CLIP1: variants seen among roughly 807,000 people sequenced by gnomAD.
CLIP1 encodes the protein CAP-Gly domain-containing linker protein 1.
Under a neutral mutation model 161.6 loss-of-function variants are expected in CLIP1, and 66 were observed. The observed-to-expected ratio is 0.41, with a 90% CI of 0.33 to 0.50. The LOEUF is 0.50. Among genes scored for constraint, CLIP1 ranks in the 20% least tolerant of loss-of-function variants. The pLI is 0.27. For missense variants in CLIP1, 1,376 were observed against 1,702.0 expected (o/e 0.81, Z 3.37); for synonymous variants, 598 against 626.2 (o/e 0.96, Z 0.67).
chr12:122,351,402 C>T (rs910173890), intron 8 of CLIP1, among the ~76,000 whole-genome samples: 1 of 152,012 alleles, frequency 6.6e-6, no homozygotes, highest in Non-Finnish European at 1.5e-5. Flanking sequence ...TGGATGAGAA[C>T]AACACAAAAA....
intron 4 of CLIP1, among the ~76,000 whole-genome samples, chr12:122,363,359 G>C (rs2136611011): frequency 6.6e-6 from 1 of 152,258 alleles, no homozygotes; most frequent in Middle Eastern, 3.4e-3. Flanking sequence ...AGGCATTGTG[G>C]CGTGCGCCTG....
chr12:122,392,532 G>A (rs1253207904), intron 1 of CLIP1, among the ~76,000 whole-genome samples: 1 of 152,036 alleles, frequency 6.6e-6, no homozygotes, highest in Non-Finnish European at 1.5e-5. Flanking sequence ...CCAAAGTTTG[G>A]TGGTGAAGTT....
At chr12:122,382,529 C>T (rs7135931) in intron 1 of CLIP1, among the ~76,000 whole-genome samples, 4,468 of 150,850 alleles carry the variant, frequency 0.03, 162 homozygotes, top group African/African-American at 0.083. Flanking sequence ...AAGATGAGAA[C>T]ACATAGAAAG....
chr12:122,419,755 G>A (rs1020101815), intron 1 of CLIP1, among the ~76,000 whole-genome samples: 22 of 151,294 alleles, frequency 1.5e-4, no homozygotes, highest in African/African-American at 4.6e-4. Flanking sequence ...GGCCAACATC[G>A]TGAAACCCTG....
rs888529881 is a variant in CLIP1, at chr12:122,279,207, G to C, written c.3648-62C>G. The C allele has an allele frequency of 3.8e-6, 4 of 1,041,512 alleles. No individual in the cohort carries two copies. The Admixed American group carries it at 9.8e-5, about 25-fold the overall frequency. The allele number at this position is 1,041,512 out of a possible 1,614,324, so 64.5% of individuals were successfully genotyped here. A position where few individuals can be genotyped will look rare whatever the true frequency, so the allele number is the denominator to read the frequency against. On this transcript the variant is annotated intron_variant, in intron 21 of 25. Transcript: ENST00000620786. The surrounding 1 kb of genome is among the most constrained non-coding windows in gnomAD (Gnocchi z 4.5). ...CCGAAAGACTGGTCAGTGTACAACT[G>C]TTCTAGAACAAACACATAATTAATG...
intron 20 of CLIP1, among the ~76,000 whole-genome samples, chr12:122,298,846 T>C (rs7132789): frequency 0.2 from 30,247 of 151,864 alleles, 6,353 homozygotes; most frequent in African/African-American, 0.54. Context: ...TCTCAGCTAC[T>C]GGGGAGGCTG....
At chr12:122,390,310 A>ATGTATG in intron 1 of CLIP1, among the ~76,000 whole-genome samples, 1 of 134,826 alleles carries the variant, frequency 7.4e-6, no homozygotes, top group African/African-American at 2.7e-5. Flanking sequence ...ATATGTATAT[A>ATGTATG]TATATATATT....
At chr12:122,421,153 C>T (rs1398593958) in intron 1 of CLIP1, among the ~76,000 whole-genome samples, 1 of 150,924 alleles carries the variant, frequency 6.6e-6, no homozygotes, top group Non-Finnish European at 1.5e-5. Flanking sequence ...ATGCACATGA[C>T]GACAGCACGC....
intron 1 of CLIP1, among the ~76,000 whole-genome samples, chr12:122,390,279 C>CAT (rs1179187571): frequency 0.18 from 14,209 of 78,644 alleles, 934 homozygotes; most frequent in South Asian, 0.28. Context: ...TATATATATA[C>CAT]ATATATATAT....
At chr12:122,368,617 C>A (rs896005617) in intron 3 of CLIP1, among the ~76,000 whole-genome samples, 3 of 152,056 alleles carry the variant, frequency 2.0e-5, no homozygotes, top group Non-Finnish European at 4.4e-5. Flanking sequence ...TTCTTATCTG[C>A]CATATTCCAA....
At chr12:122,316,245 C>T (rs1435855785) in intron 19 of CLIP1, among the ~76,000 whole-genome samples, 2 of 151,380 alleles carry the variant, frequency 1.3e-5, no homozygotes, top group African/African-American at 4.9e-5. Context: ...GGATCTCACT[C>T]TGTCACCCAG....
At chr12:122,327,886 C>T in intron 17 of CLIP1, 61 bp downstream of exon 17, 1 of 1,524,696 alleles carries the variant, frequency 6.6e-7, no homozygotes. Flanking sequence ...AAGCACCCTT[C>T]CTGCCTCGAC....
At chr12:122,395,196 C>T (rs1438941847) in intron 1 of CLIP1, among the ~76,000 whole-genome samples, 1 of 152,190 alleles carries the variant, frequency 6.6e-6, no homozygotes, top group African/African-American at 2.4e-5. Flanking sequence ...CACGTACACA[C>T]AGTAAAAACA....
Position 122,272,415 on chromosome 12 carries a change from G to T in CLIP1, c.*460C>A, listed in dbSNP as rs1955214803. 3 of 164,678 alleles carry T rather than the reference G, an allele frequency of 1.8e-5. No individual in the cohort carries two copies. Among genetic ancestry groups the T allele is most frequent in the Middle Eastern group, 6.3e-3 (2 of 318 alleles). The allele number at this position is 164,678 out of a possible 1,614,324, so 10.2% of individuals were successfully genotyped here. On this transcript the variant is annotated 3_prime_UTR_variant, in exon 26 of 26. Transcript: ENST00000620786. Reference sequence around the variant, plus strand: ...AATAAGAATAAAATACTTTAAATGAGTAGATGAAAATGCAAAATGGCACAT... The same window carrying T: ...AATAAGAATAAAATACTTTAAATGATTAGATGAAAATGCAAAATGGCACAT...
chr12:122,348,877 T>G (rs1277227628), intron 9 of CLIP1, among the ~76,000 whole-genome samples: 1 of 152,210 alleles, frequency 6.6e-6, no homozygotes, highest in African/African-American at 2.4e-5. Context: ...AAGTGAAGAT[T>G]GCAAACGTCT....
chr12:122,389,773 A>AAAAAAAAAAAAAAC (rs1955509261), intron 1 of CLIP1, among the ~76,000 whole-genome samples: 1 of 147,312 alleles, frequency 6.8e-6, no homozygotes, highest in Admixed American at 6.8e-5. Flanking sequence ...AAAAAAAAAA[A>AAAAAAAAAAAAAAC]AAAAAAAAAA....
Position 122,380,560 on chromosome 12 carries a change from T to TCCTCGGACGCCGCCG in CLIP1, c.-106-3_-106-2insCGGCGGCGTCCGAGG. The TCCTCGGACGCCGCCG allele has an allele frequency of 1.7e-6, 1 of 588,644 alleles. No individual in the cohort carries two copies. The allele number at this position is 588,644 out of a possible 1,614,324, so 36.5% of individuals were successfully genotyped here. ...GTGAAGTCAGTCTCTGGATTAAATCTGCAAAGAGAAAGAAATAAAAAGATT... is the reference window on the plus strand; with the variant it reads ...GTGAAGTCAGTCTCTGGATTAAATCTCCTCGGACGCCGCCGGCAAAGAGAAAGAAATAAAAAGATT... On this transcript the variant is annotated splice_region_variant and splice_polypyrimidine_tract_variant and intron_variant, in intron 1 of 25. Transcript: ENST00000620786.
At position 122,377,465 on chromosome 12, in the gene CLIP1, T is replaced by G. The variant is rs751992257; in HGVS notation, c.581A>C (p.Glu194Ala). The G allele has an allele frequency of 2.8e-5, 46 of 1,614,060 alleles. No homozygotes were observed. Among genetic ancestry groups the G allele is most frequent in the Non-Finnish European group, 3.5e-5 (41 of 1,180,044 alleles). ...PISNLTKTAS[E>A]SISNLSEAGS... ...AGCCTCTGAAAGGTTGGAGATAGAT[T>G]CACTGGCAGTTTTTGTAAGGTTGCT... is the stretch of plus-strand genomic sequence containing the variant. Residue 194 changes from glutamate (E) to alanine (A), a missense_variant, in exon 3 of 26, where the codon GAA becomes GCA. By Grantham distance (107) the Glu-to-Ala change is moderately radical. Around this residue, in one of 6 missense-constraint regions of CLIP1, gnomAD observed 119 missense variants for 112.0 expected, o/e 1.06. Transcript: ENST00000620786.
chr12:122,422,728 G>GGCCGGCCCGGCCGGCCCGGCCC (rs1425336798), upstream of CLIP1: 1 of 139,210 alleles, frequency 7.2e-6, no homozygotes, highest in Non-Finnish European at 1.6e-5. Flanking sequence ...CCGCCCGGCC[G>GGCCGGCCCGGCCGGCCCGGCCC]GCCCGGCCGG....
Sources: allele counts gnomAD v4.1 joint callset (sites outside exome capture counted in the v4.1 genomes callset), GRCh38; gene constraint gnomAD v4.1.1; regional missense constraint gnomAD v4.1.1; non-coding constraint Gnocchi (gnomAD v3.1); transcripts MANE v1.5; gene names NCBI Gene and HGNC (gene_info 2026-07-23, HGNC 2026-07-21).